The following PIP4K2B variants were observed in gnomAD, a reference collection of about 807,000 sequenced individuals.
PIP4K2B encodes phosphatidylinositol-5-phosphate 4-kinase type 2 beta.
In PIP4K2B, 3 loss-of-function variants were observed where a neutral mutation model predicts 42.0. The ratio of observed to expected loss-of-function variants is 0.07; its 90% CI spans 0.03 to 0.18. PIP4K2B has a LOEUF of 0.18. PIP4K2B is among the 10% of genes least tolerant of loss of function. The pLI is 1.00. For missense variants in PIP4K2B, 332 were observed against 562.3 expected (o/e 0.59, Z 4.14); for synonymous variants, 204 against 210.1 (o/e 0.97, Z 0.25).
rs1241330630 is a variant in PIP4K2B at position 38,768,604 on chromosome 17, G to A, written c.*1087C>T. ...ACAAGGTCATCCCGGAGCTTAACGA[G>A]GTGTCTCTGCTAAAAAGCACTCCAG... On this transcript the variant is annotated 3_prime_UTR_variant, in exon 10 of 10. Transcript: ENST00000619039. 6 of 152,182 alleles carry A rather than the reference G, an allele frequency of 3.9e-5. No individual in the cohort carries two copies. Among genetic ancestry groups the A allele is most frequent in the African/African-American group, 1.4e-4 (6 of 41,430 alleles). 9.4% of individuals were successfully genotyped at this position (152,182 alleles called of 1,614,324 possible).
At chr17:38,773,378 G>A (rs1431464486) in intron 7 of PIP4K2B, among the ~76,000 whole-genome samples, 1 of 152,134 alleles carries the variant, frequency 6.6e-6, no homozygotes, top group Non-Finnish European at 1.5e-5. Flanking sequence ...GGTGCTGGGG[G>A]AAAGTCCTCC....
chr17:38,778,209 T>C lies in PIP4K2B; in HGVS notation c.693+125A>G. 3 of 863,422 alleles carry C rather than the reference T, an allele frequency of 3.5e-6. No homozygotes were observed. The South Asian group carries it at 4.0e-5, about 11-fold the overall frequency. 53.5% of individuals were successfully genotyped at this position (863,422 alleles called of 1,614,324 possible). ...CAGGTGATTCATGACACACGGCATT[T>C]CATGTTGACAGACGGCATGTCTGGG... On this transcript the variant is annotated intron_variant, in intron 6 of 9. Transcript: ENST00000619039.
rs1345178122 is a variant in PIP4K2B at position 38,780,366 on chromosome 17, C to A, written c.507+86G>T. ...AGCAGCTGCCATTACCAGAGAGGAC[C>A]AACCCCTCCCTAAGAAGCTCCCCCA... On this transcript the variant is annotated intron_variant, in intron 4 of 9. Coordinates refer to ENST00000619039, the MANE Select transcript of PIP4K2B (RefSeq NM_003559.5). 4 of 1,248,002 alleles carry A rather than the reference C, an allele frequency of 3.2e-6. No individual in the cohort carries two copies. In the African/African-American group the frequency reaches 4.5e-5, roughly 14 times the overall value. The allele number at this position is 1,248,002 out of a possible 1,614,324, so 77.3% of individuals were successfully genotyped here.
Position 38,799,254 on chromosome 17 carries a change from G to A in PIP4K2B, c.159+12C>T. 3 of 1,582,698 alleles carry A rather than the reference G, an allele frequency of 1.9e-6. No individual in the cohort carries two copies. The highest frequency in any genetic ancestry group is 2.6e-6 in the Non-Finnish European group (3 of 1,166,876). On this transcript the variant is annotated intron_variant, in intron 1 of 9. Transcript: ENST00000619039. This position sits in a 1 kb window ranked among gnomAD's most constrained non-coding sequence, Gnocchi z 4.4. The stretch of plus-strand genomic sequence containing the variant: ...GGGGCCGCGCTCAGAGGGGCGCGCA[G>A]GAGCTGGTTACCGTGTGGTTCACCC...
intron 3 of PIP4K2B, among the ~76,000 whole-genome samples, chr17:38,781,920 C>T (rs1451572808): frequency 1.3e-5 from 2 of 152,060 alleles, no homozygotes; most frequent in African/African-American, 4.8e-5. Flanking sequence ...TCAAGGGATC[C>T]TCTCGCCTCG....
Position 38,799,554 on chromosome 17 carries a change from G to A in PIP4K2B, c.-130C>T. 13 of 1,182,860 alleles carry A rather than the reference G, an allele frequency of 1.1e-5. No homozygotes were observed. Among genetic ancestry groups the A allele is most frequent in the Non-Finnish European group, 1.4e-5 (13 of 945,516 alleles). 73.3% of individuals were successfully genotyped at this position (1,182,860 alleles called of 1,614,324 possible). On this transcript the variant is annotated 5_prime_UTR_variant, in exon 1 of 10. In the 5' UTR this introduces an upstream ATG that the reference lacks. Transcript: ENST00000619039. The surrounding 1 kb of genome is among the most constrained non-coding windows in gnomAD (Gnocchi z 4.4). The stretch of plus-strand genomic sequence containing the variant: ...ACCGCGCCATGGTCGCGCCCGTCCC[G>A]TTACCTCCCACCCCGCCCCGGTGGT...
Position 38,766,866 on chromosome 17 carries a change from G to A in PIP4K2B, c.*2825C>T, listed in dbSNP as rs540393323. ...CCAGGGCCAGGGGCCTTCATCTAGA[G>A]GTCAGTGGAGTCTCCAGGGCACTCA... On this transcript the variant is annotated 3_prime_UTR_variant, in exon 10 of 10. Transcript: ENST00000619039. The A allele has an allele frequency of 6.5e-6, 1 of 152,680 alleles. No individual in the cohort carries two copies. The highest frequency in any genetic ancestry group is 2.1e-4 in the South Asian group (1 of 4,838). 9.5% of individuals were successfully genotyped at this position (152,680 alleles called of 1,614,324 possible). A position where few individuals can be genotyped will look rare whatever the true frequency, so the allele number is the denominator to read the frequency against.
chr17:38,787,672 C>A (rs1910108667), intron 1 of PIP4K2B, among the ~76,000 whole-genome samples: 1 of 152,210 alleles, frequency 6.6e-6, no homozygotes, highest in African/African-American at 2.4e-5. Context: ...CAGCTCACTG[C>A]AATCTCCACC....
chr17:38,767,115 G>A lies in PIP4K2B; in HGVS notation c.*2576C>T, dbSNP rs1051906940. ...GTTTAGCTTTTCTTCATGGCCCCAG[G>A]GAGTGAGGCTGAGGGCAGTCACTTC... is the stretch of plus-strand genomic sequence containing the variant. On this transcript the variant is annotated 3_prime_UTR_variant, in exon 10 of 10. Coordinates refer to ENST00000619039, the MANE Select transcript of PIP4K2B (RefSeq NM_003559.5). 5 of 152,216 alleles carry A rather than the reference G, an allele frequency of 3.3e-5. No homozygotes were observed. Among genetic ancestry groups the A allele is most frequent in the Admixed American group, 6.5e-5 (1 of 15,276 alleles). 9.4% of individuals were successfully genotyped at this position (152,216 alleles called of 1,614,324 possible).
intron 2 of PIP4K2B, among the ~76,000 whole-genome samples, chr17:38,785,522 C>G (rs1909958395): frequency 6.6e-6 from 1 of 151,922 alleles, no homozygotes; most frequent in South Asian, 2.1e-4. Context: ...ACTAAAAATA[C>G]AAAAAAATTA....
intron 2 of PIP4K2B, 96 bp downstream of exon 2, chr17:38,786,727 C>G: frequency 1.3e-6 from 1 of 796,664 alleles, no homozygotes; most frequent in Non-Finnish European, 2.2e-6. Flanking sequence ...CTGCCAGGTG[C>G]TGCCTTGGCT....
chr17:38,776,607 G>C (rs1051790281), intron 7 of PIP4K2B: 2 of 442,226 alleles, frequency 4.5e-6, no homozygotes, highest in Non-Finnish European at 9.0e-6. Flanking sequence ...CTCCAGCCTG[G>C]GGACAGAACG....
chr17:38,791,503 G>A (rs62076864), intron 1 of PIP4K2B, among the ~76,000 whole-genome samples: 29,689 of 141,498 alleles, frequency 0.21, 3,138 homozygotes, highest in Admixed American at 0.29. Context: ...TCCGCCTCCC[G>A]GGTTCAAGCA....
intron 2 of PIP4K2B, 44 bp from the exon 3 acceptor site, chr17:38,784,383 C>T: frequency 1.0e-6 from 1 of 989,188 alleles, no homozygotes; most frequent in Non-Finnish European, 1.6e-6. Flanking sequence ...GCCCCTTGCT[C>T]ATCTTAATTC....
intron 7 of PIP4K2B, 34 bp from the exon 8 acceptor site, chr17:38,771,306 G>C (rs377232940): frequency 1.2e-6 from 2 of 1,613,112 alleles, no homozygotes; most frequent in Non-Finnish European, 1.7e-6. Context: ...ATGGAAGGAA[G>C]AAGAGGTTAC....
rs376035272 is a variant in PIP4K2B at position 38,778,392 on chromosome 17, C to T, written c.655-20G>A. The T allele has an allele frequency of 6.2e-7, 1 of 1,613,754 alleles. No homozygotes were observed. Among genetic ancestry groups the T allele is most frequent in the Non-Finnish European group, 8.5e-7 (1 of 1,179,684 alleles). Reference sequence around the variant, plus strand: ...AGAACCCTGAAAGGATAAGAGCCATCAGGGGAAGTCAAGCTGAGGCAAAGT... The same window carrying T: ...AGAACCCTGAAAGGATAAGAGCCATTAGGGGAAGTCAAGCTGAGGCAAAGT... On this transcript the variant is annotated intron_variant, in intron 5 of 9. Transcript: ENST00000619039.
chr17:38,791,234 C>G (rs1323756637), intron 1 of PIP4K2B, among the ~76,000 whole-genome samples: 1 of 152,044 alleles, frequency 6.6e-6, no homozygotes, highest in Non-Finnish European at 1.5e-5. Flanking sequence ...AACAAGGCAC[C>G]TAATGCCTCT....
chr17:38,781,153 C>T (rs1909689836), intron 3 of PIP4K2B, among the ~76,000 whole-genome samples: 1 of 152,086 alleles, frequency 6.6e-6, no homozygotes, highest in South Asian at 2.1e-4. Flanking sequence ...TGCTGAAAAA[C>T]CTTCCCCAAA....
At chr17:38,789,199 G>A (rs1425282345) in intron 1 of PIP4K2B, among the ~76,000 whole-genome samples, 1 of 152,238 alleles carries the variant, frequency 6.6e-6, no homozygotes, top group African/African-American at 2.4e-5. Context: ...GATGGGGCAG[G>A]ATGCCTTGCC....
Sources: allele counts gnomAD v4.1 joint callset (sites outside exome capture counted in the v4.1 genomes callset), GRCh38; gene constraint gnomAD v4.1.1; non-coding constraint Gnocchi (gnomAD v3.1); transcripts MANE v1.5; gene names NCBI Gene and HGNC (gene_info 2026-07-23, HGNC 2026-07-21).